ST6GALNAC3: variants seen among roughly 807,000 people sequenced by gnomAD.
The protein encoded by ST6GALNAC3 is alpha-N-acetylgalactosaminide alpha-2,6-sialyltransferase 3.
In ST6GALNAC3, 25 loss-of-function variants were observed where a neutral mutation model predicts 32.7. The observed-to-expected ratio is 0.76, with a 90% confidence interval of 0.56 to 1.07. ST6GALNAC3 has a LOEUF of 1.07. Among genes scored for constraint, ST6GALNAC3 ranks in the 50% least tolerant of loss-of-function variants. ST6GALNAC3 has a pLI of 0.00. For synonymous variants in ST6GALNAC3, 129 were observed against 133.1 expected, an observed-to-expected ratio of 0.97 and a Z score of 0.21; for missense variants, 355 against 382.4, an observed-to-expected ratio of 0.93 and a Z score of 0.60.
At chr1:76,125,406 C>T (rs17610084) in intron 1 of ST6GALNAC3, among the ~76,000 whole-genome samples, 15,864 of 152,174 alleles carry the variant, frequency 0.1, 1,090 homozygotes, top group Non-Finnish European at 0.14. Context: ...CTTTCTGGGA[C>T]TCCTCAGCAG....
intron 1 of ST6GALNAC3, among the ~76,000 whole-genome samples, chr1:76,096,415 G>A (rs1024402584): frequency 6.6e-6 from 1 of 152,052 alleles, no homozygotes; most frequent in African/African-American, 2.4e-5. Context: ...GTCTCTGAAG[G>A]CCATTTCTTT....
At chr1:76,232,092 T>G (rs1348141636) in intron 1 of ST6GALNAC3, among the ~76,000 whole-genome samples, 1 of 152,132 alleles carries the variant, frequency 6.6e-6, no homozygotes, top group Non-Finnish European at 1.5e-5. Flanking sequence ...TACCATGAAG[T>G]CTGGTACCAG....
intron 1 of ST6GALNAC3, among the ~76,000 whole-genome samples, chr1:76,162,755 G>A (rs915168968): frequency 1.3e-5 from 2 of 152,214 alleles, no homozygotes; most frequent in South Asian, 4.1e-4. Flanking sequence ...TTACAAAGGG[G>A]CAATGTATGT....
In ST6GALNAC3 at chr1:76,633,404, C is replaced by G. The variant is rs889876483; in HGVS notation, c.*4598C>G. On this transcript the variant is annotated 3_prime_UTR_variant, in exon 5 of 5. Coordinates refer to ENST00000328299, the MANE Select transcript of ST6GALNAC3 (RefSeq NM_152996.4). ...ATATCCCATTGATTGTCTACACTTT[C>G]TTCTCTCTGTTTGTTGCTATTGGTA... The G allele has an allele frequency of 2.0e-5, 3 of 152,172 alleles. No individual in the cohort carries two copies. The highest frequency in any genetic ancestry group is 6.5e-5 in the Admixed American group (1 of 15,276). 9.4% of individuals were successfully genotyped at this position (152,172 alleles called of 1,614,324 possible).
intron 1 of ST6GALNAC3, among the ~76,000 whole-genome samples, chr1:76,211,546 A>T (rs1166332259): frequency 6.6e-6 from 1 of 152,238 alleles, no homozygotes; most frequent in Admixed American, 6.5e-5. Context: ...CAAATGTCCA[A>T]CAATGATAGA....
At chr1:76,231,654 G>A (rs1027405506) in intron 1 of ST6GALNAC3, among the ~76,000 whole-genome samples, 6 of 152,178 alleles carry the variant, frequency 3.9e-5, no homozygotes, top group African/African-American at 1.2e-4. Flanking sequence ...TATCCATGTT[G>A]TAGCATATAT....
intron 3 of ST6GALNAC3, among the ~76,000 whole-genome samples, chr1:76,624,902 G>C (rs604078): frequency 0.49 from 74,970 of 151,800 alleles, 19,758 homozygotes; most frequent in African/African-American, 0.69. Context: ...GTGATCTGAC[G>C]TATTCACATG....
At chr1:76,620,837 G>A (rs986233548) in intron 3 of ST6GALNAC3, among the ~76,000 whole-genome samples, 5 of 152,182 alleles carry the variant, frequency 3.3e-5, no homozygotes, top group Non-Finnish European at 7.4e-5. Flanking sequence ...GATAAATGAA[G>A]TGGACCCTAA....
chr1:76,392,756 A>G (rs550562890), intron 2 of ST6GALNAC3, among the ~76,000 whole-genome samples: 3 of 152,206 alleles, frequency 2.0e-5, no homozygotes, highest in African/African-American at 4.8e-5. Flanking sequence ...GTTGCAGTAA[A>G]AAACCAGAGC....
In ST6GALNAC3 at chr1:76,150,138, T is replaced by C. The variant is rs936640928; in HGVS notation, c.18+75254T>C. On this transcript the variant is annotated intron_variant, in intron 1 of 4. Coordinates refer to ENST00000328299, the MANE Select transcript of ST6GALNAC3 (RefSeq NM_152996.4). The stretch of plus-strand genomic sequence containing the variant: ...CAAACCTAGACTGTCTCTAATATCT[T>C]ACAGCACTGCAGATCCTACCCCTGC... 3.3e-5 allele frequency among the ~76,000 whole-genome samples: 5 copies of C among 152,142 alleles called. 1 individual carries two copies. Among genetic ancestry groups the C allele is most frequent in the Non-Finnish European group, 4.4e-5 (3 of 68,030 alleles).
chr1:76,600,858 G>A (rs1419496464), intron 3 of ST6GALNAC3, among the ~76,000 whole-genome samples: 1 of 152,116 alleles, frequency 6.6e-6, no homozygotes, highest in Non-Finnish European at 1.5e-5. Context: ...AAATGAACAA[G>A]ATATATTGAG....
intron 1 of ST6GALNAC3, among the ~76,000 whole-genome samples, chr1:76,185,916 G>A (rs74374904): frequency 0.011 from 1,670 of 152,236 alleles, 30 homozygotes; most frequent in East Asian, 0.044. Flanking sequence ...CATTTATATC[G>A]TGTTAGGTAT....
chr1:76,276,795 C>T (rs1193248878), intron 1 of ST6GALNAC3, among the ~76,000 whole-genome samples: 1 of 152,084 alleles, frequency 6.6e-6, no homozygotes, highest in Non-Finnish European at 1.5e-5. Flanking sequence ...TATAAGAACT[C>T]CTGTTTTTCC....
At chr1:76,571,846 C>T (rs1665880742) in intron 3 of ST6GALNAC3, among the ~76,000 whole-genome samples, 1 of 151,882 alleles carries the variant, frequency 6.6e-6, no homozygotes, top group Non-Finnish European at 1.5e-5. Flanking sequence ...ATCCTTAATT[C>T]TTAACTAAGA....
chr1:76,567,136 G>A (rs773718193), intron 3 of ST6GALNAC3, among the ~76,000 whole-genome samples: 1 of 152,176 alleles, frequency 6.6e-6, no homozygotes, highest in Admixed American at 6.5e-5. Flanking sequence ...AAGCAAAAGA[G>A]TATTTTTGTA....
At chr1:76,264,740 T>A in intron 1 of ST6GALNAC3, among the ~76,000 whole-genome samples, 1 of 152,102 alleles carries the variant, frequency 6.6e-6, no homozygotes, top group East Asian at 1.9e-4. Context: ...CTTTCATACT[T>A]ATTGAATTAA....
At chr1:76,309,412 A>T (rs1646711726) in intron 1 of ST6GALNAC3, among the ~76,000 whole-genome samples, 1 of 151,996 alleles carries the variant, frequency 6.6e-6, no homozygotes, top group African/African-American at 2.4e-5. Context: ...TACTTTGTTC[A>T]CTTCCCCACC....
At chr1:76,557,170 A>G (rs12063835) in intron 3 of ST6GALNAC3, among the ~76,000 whole-genome samples, 36,610 of 151,826 alleles carry the variant, frequency 0.24, 4,781 homozygotes, top group African/African-American at 0.35. Flanking sequence ...TAGCACTCTC[A>G]TAAAAAATTG....
intron 1 of ST6GALNAC3, among the ~76,000 whole-genome samples, chr1:76,306,448 C>G (rs368234086): frequency 3.3e-5 from 5 of 152,128 alleles, no homozygotes; most frequent in South Asian, 2.1e-4. Context: ...TAATAGGACG[C>G]CTTCAACATG....
Sources: allele counts gnomAD v4.1 joint callset (sites outside exome capture counted in the v4.1 genomes callset), GRCh38; gene constraint gnomAD v4.1.1; transcripts MANE v1.5; gene names NCBI Gene and HGNC (gene_info 2026-07-23, HGNC 2026-07-21).